EIF4E3: variants seen among roughly 807,000 people sequenced by gnomAD.
EIF4E3 encodes eukaryotic translation initiation factor 4E family member 3, also known as eukaryotic translation initiation factor 4E type 3.
A neutral mutation model predicts 31.7 loss-of-function variants in EIF4E3; 26 were observed. The ratio of observed to expected loss-of-function variants is 0.82; its 90% CI spans 0.60 to 1.14. The LOEUF is 1.14. Ranked by LOEUF, EIF4E3 falls within the 50% of genes most tolerant of loss-of-function variation. The probability of loss-of-function intolerance (pLI) is 0.00; values close to 1 mark genes in which losing one functional copy is unlikely to be tolerated. For synonymous variants in EIF4E3, 128 were observed against 107.7 expected (o/e 1.19, Z -1.17); for missense variants, 304 against 270.9 (o/e 1.12, Z -0.86).
At chr3:71,736,496 T>C (rs529047574) in intron 1 of EIF4E3, among the ~76,000 whole-genome samples, 4 of 152,296 alleles carry the variant, frequency 2.6e-5, no homozygotes, top group East Asian at 3.9e-4. Flanking sequence ...TATTACACCA[T>C]GAAAATACAT....
At chr3:71,686,877 T>C (rs2048999537) in intron 6 of EIF4E3, among the ~76,000 whole-genome samples, 1 of 152,216 alleles carries the variant, frequency 6.6e-6, no homozygotes, top group Non-Finnish European at 1.5e-5. Flanking sequence ...AGCCTTAGGT[T>C]ACCTTGGGTA....
At chr3:71,751,333 C>T (rs944314636) in intron 1 of EIF4E3, among the ~76,000 whole-genome samples, 1 of 152,202 alleles carries the variant, frequency 6.6e-6, no homozygotes, top group Non-Finnish European at 1.5e-5. Flanking sequence ...CTTCTGCCTC[C>T]TCTGCAAAAT....
At chr3:71,749,865 T>C (rs2049909509) in intron 1 of EIF4E3, among the ~76,000 whole-genome samples, 1 of 152,250 alleles carries the variant, frequency 6.6e-6, no homozygotes, top group Non-Finnish European at 1.5e-5. Flanking sequence ...TGCCTGCAGC[T>C]TCCTAGAAAC....
intron 1 of EIF4E3, among the ~76,000 whole-genome samples, chr3:71,723,768 G>A (rs185820021): frequency 3.9e-4 from 60 of 152,266 alleles, no homozygotes; most frequent in Non-Finnish European, 1.5e-5. Context: ...ATTTCATTCT[G>A]CTAAGGTCTG....
At chr3:71,714,980 C>A (rs1001377770) in intron 1 of EIF4E3, among the ~76,000 whole-genome samples, 3 of 152,346 alleles carry the variant, frequency 2.0e-5, no homozygotes, top group Admixed American at 2.0e-4. Context: ...AAAATCTTTT[C>A]CTTTCATTCA....
intron 5 of EIF4E3, among the ~76,000 whole-genome samples, chr3:71,692,310 T>C (rs866529660): frequency 3.9e-5 from 6 of 152,234 alleles, no homozygotes; most frequent in Non-Finnish European, 8.8e-5. Context: ...AGCTAGTTAA[T>C]GGAAGAGCTA....
chr3:71,704,835 G>A (rs13070781), intron 2 of EIF4E3, among the ~76,000 whole-genome samples: 108,356 of 152,160 alleles, frequency 0.71, 39,079 homozygotes, highest in African/African-American at 0.83. Context: ...ACAAGGTCAA[G>A]TCTCACCCCA....
downstream of EIF4E3, among the ~76,000 whole-genome samples, chr3:71,670,689 G>A (rs149620402): frequency 7.2e-5 from 11 of 152,254 alleles, no homozygotes; most frequent in Non-Finnish European, 1.0e-4. Flanking sequence ...AACTGGCCAC[G>A]TATCTCAAAA....
At chr3:71,751,802 G>A (rs1025643286) in intron 1 of EIF4E3, among the ~76,000 whole-genome samples, 3 of 152,094 alleles carry the variant, frequency 2.0e-5, no homozygotes, top group East Asian at 1.9e-4. Context: ...TGGCTGGGGC[G>A]TCGGCAGCCT....
intron 1 of EIF4E3, among the ~76,000 whole-genome samples, chr3:71,752,965 C>A (rs996444812): frequency 6.6e-6 from 1 of 152,178 alleles, no homozygotes; most frequent in East Asian, 1.9e-4. Context: ...ATAGGGTTCA[C>A]CTTCCAAGTC....
At chr3:71,673,341 G>GTA (rs2048856120), downstream of EIF4E3, among the ~76,000 whole-genome samples, 1 of 152,016 alleles carries the variant, frequency 6.6e-6, no homozygotes, top group Non-Finnish European at 1.5e-5. Context: ...TACCCCTCAG[G>GTA]TATATACATG....
At chr3:71,738,835 A>G (rs1198685764) in intron 1 of EIF4E3, among the ~76,000 whole-genome samples, 1 of 151,946 alleles carries the variant, frequency 6.6e-6, no homozygotes, top group African/African-American at 2.4e-5. Flanking sequence ...ACTTTAGCAG[A>G]ACACAATTTT....
chr3:71,674,440 T>C (rs1056746794), downstream of EIF4E3, among the ~76,000 whole-genome samples: 1 of 152,118 alleles, frequency 6.6e-6, no homozygotes, highest in Non-Finnish European at 1.5e-5. Flanking sequence ...ATGGCAATAA[T>C]GCTCTTAGAA....
rs2048956418 is a variant in EIF4E3, at chr3:71,684,002, A to C, written c.*680T>G. ...AGCTTGATTTATATCCTGATACTGAATTGTGATTATAGTTTTCATGTTATG... is the reference window on the plus strand; with the variant it reads ...AGCTTGATTTATATCCTGATACTGACTTGTGATTATAGTTTTCATGTTATG... On this transcript the variant is annotated 3_prime_UTR_variant, in exon 7 of 7. Transcript: ENST00000425534. 6.6e-6 allele frequency: 1 copy of C among 152,196 alleles called. No homozygotes were observed. The highest frequency in any genetic ancestry group is 1.5e-5 in the Non-Finnish European group (1 of 68,020). 9.4% of individuals were successfully genotyped at this position (152,196 alleles called of 1,614,324 possible).
chr3:71,669,111 C>G, the EIF4E3 span, among the ~76,000 whole-genome samples: 1 of 152,088 alleles, frequency 6.6e-6, no homozygotes, highest in Non-Finnish European at 1.5e-5. Flanking sequence ...ATGGATGAAG[C>G]TGGAAACCAT....
intron 1 of EIF4E3, among the ~76,000 whole-genome samples, chr3:71,718,626 C>T (rs939951710): frequency 6.6e-6 from 1 of 152,146 alleles, no homozygotes; most frequent in Non-Finnish European, 1.5e-5. Flanking sequence ...CCATGTGCCC[C>T]GGGTTTGGAA....
chr3:71,754,354 C>G, upstream of EIF4E3: 2 of 1,312,648 alleles, frequency 1.5e-6, no homozygotes, highest in Non-Finnish European at 2.0e-6. The surrounding 1 kb of genome is among the most constrained non-coding windows in gnomAD (Gnocchi z 5.8). Context: ...GCCTTCCTGG[C>G]CGCGCTCTTC....
the EIF4E3 span, among the ~76,000 whole-genome samples, chr3:71,663,840 G>A: frequency 1.3e-5 from 2 of 152,252 alleles, no homozygotes; most frequent in South Asian, 4.1e-4. Context: ...CTAGTCTAGT[G>A]TGAGGGACAG....
intron 5 of EIF4E3, among the ~76,000 whole-genome samples, chr3:71,692,643 T>C (rs2049079196): frequency 6.6e-6 from 1 of 151,672 alleles, no homozygotes. Context: ...TCACCCAGGC[T>C]GCAGTACAAT....
Sources: allele counts gnomAD v4.1 joint callset (sites outside exome capture counted in the v4.1 genomes callset), GRCh38; gene constraint gnomAD v4.1.1; non-coding constraint Gnocchi (gnomAD v3.1); transcripts MANE v1.5; gene names NCBI Gene and HGNC (gene_info 2026-07-23, HGNC 2026-07-21).